PCCA: variants seen among roughly 807,000 people sequenced by gnomAD.
PCCA encodes propionyl-CoA carboxylase alpha chain, mitochondrial.
A neutral mutation model predicts 101.3 loss-of-function variants in PCCA; 74 were observed. That is an observed-to-expected ratio of 0.73 (90% CI 0.61 to 0.89). The LOEUF (loss-of-function observed/expected upper bound fraction) is 0.89, where lower values mean the gene tolerates loss of function less well. Ranked by LOEUF, PCCA falls within the 40% of genes least tolerant of loss-of-function variation. PCCA has a pLI of 0.00. For missense variants in PCCA, 891 were observed against 907.0 expected, an observed-to-expected ratio of 0.98 and a Z score of 0.23; for synonymous variants, 294 against 313.6, an observed-to-expected ratio of 0.94 and a Z score of 0.66.
chr13:100,439,631 G>A (rs914568988), intron 20 of PCCA, among the ~76,000 whole-genome samples: 1 of 151,716 alleles, frequency 6.6e-6, no homozygotes, highest in Non-Finnish European at 1.5e-5. Context: ...TTGTGTACCG[G>A]GATTTAATGT....
In PCCA at chr13:100,385,452, T is replaced by TA. The variant is rs144060826; in HGVS notation, c.1746+16885dup. ...ATATGAAAATGAACAAAAGCCCTGG[T>TA]AAAAAAATATTCAGAGACAGTTTAC... On this transcript the variant is annotated intron_variant, in intron 19 of 23. Coordinates refer to ENST00000376285, the MANE Select transcript of PCCA (RefSeq NM_000282.4). 2.6e-5 allele frequency among the ~76,000 whole-genome samples: 4 copies of TA among 152,124 alleles called. No homozygotes were observed. In the East Asian group the frequency reaches 5.8e-4, roughly 22 times the overall value.
chr13:100,483,454 C>G (rs903502681), intron 21 of PCCA, among the ~76,000 whole-genome samples: 1 of 152,208 alleles, frequency 6.6e-6, no homozygotes, highest in African/African-American at 2.4e-5. Context: ...GCATCTTCAG[C>G]ATGTGACCGT....
rs990907863 is a variant in PCCA at position 100,523,663 on chromosome 13, G to A, written c.2041-4012G>A. On this transcript the variant is annotated intron_variant, in intron 22 of 23. Coordinates refer to ENST00000376285, the MANE Select transcript of PCCA (RefSeq NM_000282.4). The stretch of plus-strand genomic sequence containing the variant: ...GCCGCTCTGATAATCGGATGCGAAC[G>A]TGAACCTTGACCTCGTGTCAAAGGA... Among the ~76,000 whole-genome samples, 4 of 152,198 alleles carry A rather than the reference G, an allele frequency of 2.6e-5. 1 individual carries two copies. The highest frequency in any genetic ancestry group is 2.0e-4 in the Admixed American group (3 of 15,276).
At chr13:100,515,735 A>C (rs2086790691) in intron 22 of PCCA, among the ~76,000 whole-genome samples, 168 bp downstream of exon 22, 1 of 152,228 alleles carries the variant, frequency 6.6e-6, no homozygotes, top group Non-Finnish European at 1.5e-5. Flanking sequence ...TCACGTTTGC[A>C]TTACGTTGGT....
At chr13:100,346,879 GT>G (rs1028930773) in intron 18 of PCCA, among the ~76,000 whole-genome samples, 11 of 147,644 alleles carry the variant, frequency 7.5e-5, no homozygotes, top group African/African-American at 1.2e-4. Context: ...TAGTAATAAA[GT>G]TTTTTTTTTT....
chr13:100,378,430 G>C (rs915299753), intron 19 of PCCA, among the ~76,000 whole-genome samples: 1 of 152,182 alleles, frequency 6.6e-6, no homozygotes, highest in Non-Finnish European at 1.5e-5. Flanking sequence ...CATTGAATCT[G>C]GTTGAGGATT....
intron 19 of PCCA, among the ~76,000 whole-genome samples, chr13:100,416,887 A>G (rs1187046995): frequency 6.6e-6 from 1 of 151,960 alleles, no homozygotes; most frequent in Non-Finnish European, 1.5e-5. Flanking sequence ...CTTGTTGTCC[A>G]GGCTGCAGTG....
At chr13:100,338,375 C>T (rs1436739688) in intron 17 of PCCA, among the ~76,000 whole-genome samples, 2 of 152,254 alleles carry the variant, frequency 1.3e-5, no homozygotes, top group East Asian at 1.9e-4. Context: ...GATGTCATCA[C>T]ACAATATGTG....
rs187854366 is a variant in PCCA at position 100,094,693 on chromosome 13, T to C, written c.105+5468T>C. ...ACCTCCGCCTCCGGGGTTCAAGTGA[T>C]TCTCCTGCCTCAGCCTCCTGAGTAG... On this transcript the variant is annotated intron_variant, in intron 1 of 23. Coordinates refer to ENST00000376285, the MANE Select transcript of PCCA (RefSeq NM_000282.4). 3.9e-3 allele frequency among the ~76,000 whole-genome samples: 591 copies of C among 152,282 alleles called. 3 individuals carry two copies. The highest frequency in any genetic ancestry group is 8.4e-3 in the Admixed American group (129 of 15,306).
intron 12 of PCCA, among the ~76,000 whole-genome samples, chr13:100,282,014 C>T (rs1416880429): frequency 1.3e-5 from 2 of 152,092 alleles, no homozygotes; most frequent in African/African-American, 4.8e-5. Context: ...GCCTTTTGAT[C>T]TTTGTGTGAT....
rs151190874 is a variant in PCCA at position 100,337,801 on chromosome 13, G to T, written c.1541-2356G>T. On this transcript the variant is annotated intron_variant, in intron 17 of 23. Coordinates refer to ENST00000376285, the MANE Select transcript of PCCA (RefSeq NM_000282.4). Reference sequence around the variant, plus strand: ...CTCCTCCCTTGCTGATGGTATATACGGTGCATATGTGTCTAAAGAACTGAC... The same window carrying T: ...CTCCTCCCTTGCTGATGGTATATACTGTGCATATGTGTCTAAAGAACTGAC... 2.5e-3 allele frequency among the ~76,000 whole-genome samples: 385 copies of T among 152,204 alleles called. 4 individuals are homozygous for T. In the South Asian group the frequency reaches 0.028, roughly 11 times the overall value.
intron 5 of PCCA, 115 bp downstream of exon 5, chr13:100,155,207 A>G (rs2152383306): frequency 5.3e-6 from 4 of 754,746 alleles, no homozygotes; most frequent in South Asian, 4.5e-5. Flanking sequence ...TGTTGCAGTT[A>G]GTTCATGTCA....
At chr13:100,362,263 G>T (rs1056456512) in intron 18 of PCCA, among the ~76,000 whole-genome samples, 1 of 152,058 alleles carries the variant, frequency 6.6e-6, no homozygotes, top group Non-Finnish European at 1.5e-5. Flanking sequence ...CTTGGAATTT[G>T]ACTGTATGTT....
At chr13:100,458,280 T>TG (rs2081894757) in intron 21 of PCCA, among the ~76,000 whole-genome samples, 1 of 83,084 alleles carries the variant, frequency 1.2e-5, no homozygotes, top group Non-Finnish European at 2.6e-5. Context: ...TGGGCAACAG[T>TG]GGGACCCCAT....
chr13:100,100,415 A>G (rs1369037177), intron 1 of PCCA, among the ~76,000 whole-genome samples: 2 of 152,236 alleles, frequency 1.3e-5, no homozygotes, highest in African/African-American at 4.8e-5. Context: ...AGAATTGATT[A>G]AAGTTCTTTC....
intron 21 of PCCA, among the ~76,000 whole-genome samples, chr13:100,500,189 C>G (rs557495963): frequency 3.3e-5 from 5 of 152,254 alleles, no homozygotes; most frequent in African/African-American, 9.6e-5. Flanking sequence ...TCACCAGGCT[C>G]TCCACATTCT....
intron 12 of PCCA, among the ~76,000 whole-genome samples, chr13:100,277,880 T>G (rs1453016461): frequency 6.6e-6 from 1 of 152,232 alleles, no homozygotes; most frequent in East Asian, 1.9e-4. Context: ...TTAAAAACAT[T>G]GCTGTATTTT....
At chr13:100,244,005 C>T (rs2061300071) in intron 8 of PCCA, among the ~76,000 whole-genome samples, 1 of 152,080 alleles carries the variant, frequency 6.6e-6, no homozygotes, top group Non-Finnish European at 1.5e-5. Flanking sequence ...GAAAAATTTT[C>T]ACATGTTATA....
chr13:100,387,460 C>T (rs2076574180), intron 19 of PCCA, among the ~76,000 whole-genome samples: 1 of 152,204 alleles, frequency 6.6e-6, no homozygotes, highest in South Asian at 2.1e-4. Flanking sequence ...CGTCCTAAGA[C>T]ATCACAAGGC....
Sources: gnomAD v4.1 joint callset for allele counts (sites outside exome capture counted in the v4.1 genomes callset) on GRCh38, gnomAD v4.1.1 for gene constraint, MANE v1.5 for transcripts, NCBI Gene and HGNC (gene_info 2026-07-23, HGNC 2026-07-21) for gene names.